The following ITGA4 variants were observed in gnomAD, a reference collection of about 807,000 sequenced individuals.
The protein encoded by ITGA4 is integrin subunit alpha 4.
Under a neutral mutation model 133.6 loss-of-function variants are expected in ITGA4, and 63 were observed. The ratio of observed to expected loss-of-function variants is 0.47; its 90% CI spans 0.38 to 0.58. The LOEUF is 0.58. Ranked by LOEUF, ITGA4 falls within the 20% of genes least tolerant of loss-of-function variation. The pLI, the probability that ITGA4 is intolerant of heterozygous loss-of-function variation, is 0.00. For missense variants in ITGA4, 1,076 were observed against 1,252.7 expected (o/e 0.86, Z 2.13); for synonymous variants, 483 against 438.0 (o/e 1.10, Z -1.28).
At chr2:181,470,614 G>A (rs1008918479) in intron 2 of ITGA4, among the ~76,000 whole-genome samples, 4 of 152,148 alleles carry the variant, frequency 2.6e-5, no homozygotes, top group African/African-American at 4.8e-5. Context: ...AGTGGACTCA[G>A]GATCACACAG....
At chr2:181,525,330 G>A (rs1229595023) in intron 21 of ITGA4, 39 bp downstream of exon 21, 2 of 1,079,152 alleles carry the variant, frequency 1.9e-6, no homozygotes, top group Non-Finnish European at 2.8e-6. Context: ...ATTTAGAGCT[G>A]ATTTACAGTT....
At chr2:181,482,711 G>A (rs982517667) in intron 9 of ITGA4, 60 bp downstream of exon 9, 5 of 1,508,924 alleles carry the variant, frequency 3.3e-6, no homozygotes, top group Non-Finnish European at 4.6e-6. Flanking sequence ...ACTCAAATTG[G>A]TCTTATTCCA....
intron 4 of ITGA4, 90 bp downstream of exon 4, chr2:181,475,378 G>C (rs2105726775): frequency 6.0e-6 from 6 of 1,002,278 alleles, no homozygotes; most frequent in East Asian, 2.4e-5. Context: ...TAGATGTTCA[G>C]AGGAGAGGGA....
At position 181,475,390 on chromosome 2, in the gene ITGA4, ATCT is replaced by A. The variant is rs1276128176; in HGVS notation, c.556+106_556+108del. The A allele has an allele frequency of 6.1e-5, 55 of 897,446 alleles. 1 individual carries two copies. Among genetic ancestry groups the A allele is most frequent in the Non-Finnish European group, 9.0e-5 (52 of 574,966 alleles). The allele number at this position is 897,446 out of a possible 1,614,324, so 55.6% of individuals were successfully genotyped here. ...GTTTAGATGTTCAGAGGAGAGGGAG[ATCT>A]TCTAAGTAATTATGTTCTTTTTAAC... On this transcript the variant is annotated intron_variant, in intron 4 of 27. Coordinates refer to ENST00000397033, the MANE Select transcript of ITGA4 (RefSeq NM_000885.6).
intron 10 of ITGA4, among the ~76,000 whole-genome samples, chr2:181,486,991 A>G (rs1685935968): frequency 3.3e-5 from 5 of 152,192 alleles, no homozygotes; most frequent in Admixed American, 3.3e-4. Context: ...TATAAAATGC[A>G]TTATTCTACA....
At chr2:181,499,191 G>T (rs1395425129) in intron 15 of ITGA4, among the ~76,000 whole-genome samples, 2 of 152,108 alleles carry the variant, frequency 1.3e-5, no homozygotes, top group Non-Finnish European at 2.9e-5. Flanking sequence ...CAGCGAAGCA[G>T]AATCCAACAT....
rs1047297 is a variant in ITGA4, at chr2:181,457,684, C to T, written c.30C>T (p.Gly10=). The stretch of plus-strand genomic sequence containing the variant: ...CTTGGGAAGCGAGGCGCGAACCCGG[C>T]CCCCGAAGGGCCGCCGTCCGGGAGA... MAWEARREP[G]PRRAAVRETV... Residue 10 remains glycine, a synonymous_variant, in exon 1 of 28, where the codon GGC becomes GGT. Coordinates refer to ENST00000397033, the MANE Select transcript of ITGA4 (RefSeq NM_000885.6). 1.9e-6 allele frequency: 3 copies of T among 1,610,848 alleles called. No individual in the cohort carries two copies. Among genetic ancestry groups the T allele is most frequent in the Admixed American group, 1.7e-5 (1 of 59,834 alleles).
chr2:181,476,178 TATTG>T (rs1685672167), intron 4 of ITGA4: 1 of 184,094 alleles, frequency 5.4e-6, no homozygotes, highest in African/African-American at 2.3e-5. Flanking sequence ...AAAAAGTGAA[TATTG>T]ATTCTCAGTT....
At chr2:181,505,944 T>G (rs953006330) in intron 15 of ITGA4, among the ~76,000 whole-genome samples, 15 of 152,070 alleles carry the variant, frequency 9.9e-5, no homozygotes, top group Admixed American at 4.6e-4. Context: ...ACTCAGGGCT[T>G]CAAGCTGTTC....
intron 25 of ITGA4, 71 bp from the exon 26 acceptor site, chr2:181,534,201 G>GGT: frequency 1.1e-6 from 1 of 941,538 alleles, no homozygotes; most frequent in South Asian, 1.5e-5. Context: ...CTAGCTAGAA[G>GGT]GTAAAGATCC....
chr2:181,537,616 C>T lies in ITGA4; in HGVS notation c.*2089C>T. ...TTGTAACAGAATATAGGAAATTTAA[C>T]ATAATTGATGAGCTCAAATCCTGAA... On this transcript the variant is annotated 3_prime_UTR_variant, in exon 28 of 28. Coordinates refer to ENST00000397033, the MANE Select transcript of ITGA4 (RefSeq NM_000885.6). The T allele has an allele frequency of 2.3e-6, 1 of 430,548 alleles. No individual in the cohort carries two copies. Among genetic ancestry groups the T allele is most frequent in the Non-Finnish European group, 4.6e-6 (1 of 219,062 alleles). The allele number at this position is 430,548 out of a possible 1,614,324, so 26.7% of individuals were successfully genotyped here.
Position 181,495,719 on chromosome 2 carries a change from GCA to G in ITGA4, c.1386-63_1386-62del. ...GTGAATGTAAACTGAAAAAACAAAC[GCA>G]TTTCTCTCCTTAAGGAAAAATAATT... On this transcript the variant is annotated intron_variant, in intron 13 of 27. Coordinates refer to ENST00000397033, the MANE Select transcript of ITGA4 (RefSeq NM_000885.6). This position sits in a 1 kb window ranked among gnomAD's most constrained non-coding sequence, Gnocchi z 4.3. 7.1e-7 allele frequency: 1 copy of G among 1,411,222 alleles called. No individual in the cohort carries two copies. The highest frequency in any genetic ancestry group is 9.8e-7 in the Non-Finnish European group (1 of 1,018,610). 87.4% of individuals were successfully genotyped at this position (1,411,222 alleles called of 1,614,324 possible). A position where few individuals can be genotyped will look rare whatever the true frequency, so the allele number is the denominator to read the frequency against.
intron 15 of ITGA4, among the ~76,000 whole-genome samples, chr2:181,509,327 T>C (rs1411358752): frequency 6.6e-6 from 1 of 151,986 alleles, no homozygotes; most frequent in Non-Finnish European, 1.5e-5. Flanking sequence ...AAGTTTATCA[T>C]GAAAAATGCT....
In ITGA4 at chr2:181,458,135, C is replaced by T. The variant is rs1260329892; in HGVS notation, c.198-61C>T. Reference sequence around the variant, plus strand: ...GCTGCGGACTGCACATCTGTGGCGACAGGGAGCTCAGTGGGCAGCACAGCT... The same window carrying T: ...GCTGCGGACTGCACATCTGTGGCGATAGGGAGCTCAGTGGGCAGCACAGCT... On this transcript the variant is annotated intron_variant, in intron 1 of 27. Transcript: ENST00000397033. 443 of 1,607,232 alleles carry T rather than the reference C, an allele frequency of 2.8e-4. 1 individual carries two copies. The highest frequency in any genetic ancestry group is 6.7e-5 in the African/African-American group (5 of 74,900).
chr2:181,528,630 C>T (rs1686881609), intron 22 of ITGA4, among the ~76,000 whole-genome samples: 2 of 152,214 alleles, frequency 1.3e-5, no homozygotes, highest in African/African-American at 4.8e-5. Context: ...CTGTTGCTGA[C>T]ATTTCCTGCT....
rs1213978216 is a variant in ITGA4 at position 181,495,972 on chromosome 2, G to T, written c.1540+35G>T. ...CCCTACAATATTAATGCTTGATGGG[G>T]TGCGGTTCATTCATTAATCCCACAA... On this transcript the variant is annotated intron_variant, in intron 14 of 27. Coordinates refer to ENST00000397033, the MANE Select transcript of ITGA4 (RefSeq NM_000885.6). The surrounding 1 kb of genome is among the most constrained non-coding windows in gnomAD (Gnocchi z 4.3). 1 of 1,599,184 alleles carries T rather than the reference G, an allele frequency of 6.3e-7. No individual in the cohort carries two copies. Among genetic ancestry groups the T allele is most frequent in the Non-Finnish European group, 8.5e-7 (1 of 1,170,370 alleles).
rs1271085145 is a variant in ITGA4, at chr2:181,491,397, A to G, written c.1154-1928A>G. On this transcript the variant is annotated intron_variant, in intron 10 of 27. Transcript: ENST00000397033. Reference sequence around the variant, plus strand: ...CTAAAAATACAAAAATTAGCCGGGCATGGTGGCGCGCGCCTGTAGTCCCAG... The same window carrying G: ...CTAAAAATACAAAAATTAGCCGGGCGTGGTGGCGCGCGCCTGTAGTCCCAG... 2.3e-3 allele frequency among the ~76,000 whole-genome samples: 11 copies of G among 4,744 alleles called. 5 individuals are homozygous for G. The highest frequency in any genetic ancestry group is 2.5e-3 in the African/African-American group (11 of 4,458). The allele number at this position is 4,744 out of a possible 152,430, so 3.1% of individuals were successfully genotyped here.
At chr2:181,509,884 A>C in intron 16 of ITGA4, 77 bp downstream of exon 16, 1 of 1,068,774 alleles carries the variant, frequency 9.4e-7, no homozygotes, top group Non-Finnish European at 1.4e-6. Context: ...ATTCTGAAGA[A>C]GTGAACTATA....
In ITGA4 at chr2:181,523,416, TTG is replaced by T. The variant is rs1686762221; in HGVS notation, c.2074-19_2074-18del. On this transcript the variant is annotated intron_variant, in intron 18 of 27. Coordinates refer to ENST00000397033, the MANE Select transcript of ITGA4 (RefSeq NM_000885.6). This position sits in a 1 kb window ranked among gnomAD's most constrained non-coding sequence, Gnocchi z 4.2. ...TTTATTTCCTTCCTGTCCAAAACAG[TTG>T]TTTCATTTTTCCCATTAGGAAGAGA... 1.4e-6 allele frequency: 2 copies of T among 1,420,642 alleles called. No homozygotes were observed. The highest frequency in any genetic ancestry group is 2.0e-6 in the Non-Finnish European group (2 of 1,004,398). 88.0% of individuals were successfully genotyped at this position (1,420,642 alleles called of 1,614,324 possible).
Sources: allele counts gnomAD v4.1 joint callset (sites outside exome capture counted in the v4.1 genomes callset), GRCh38; gene constraint gnomAD v4.1.1; non-coding constraint Gnocchi (gnomAD v3.1); transcripts MANE v1.5; gene names NCBI Gene and HGNC (gene_info 2026-07-23, HGNC 2026-07-21).